The following MYO1B variants were observed in gnomAD, a reference collection of about 807,000 sequenced individuals.
MYO1B encodes the protein unconventional myosin-Ib.
MYO1B carries 72 observed loss-of-function variants against 159.7 expected under a neutral mutation model. The ratio of observed to expected loss-of-function variants is 0.45; its 90% CI spans 0.37 to 0.55. The LOEUF (loss-of-function observed/expected upper bound fraction) is 0.55. Among genes scored for constraint, MYO1B ranks in the 20% least tolerant of loss-of-function variants. The pLI is 0.00. For missense variants in MYO1B, 1,062 were observed against 1,364.8 expected (o/e 0.78, Z 3.50); for synonymous variants, 468 against 473.8 (o/e 0.99, Z 0.16).
intron 23 of MYO1B, chr2:191,401,632 G>A (rs893316674): frequency 4.6e-5 from 7 of 152,226 alleles, no homozygotes; most frequent in African/African-American, 1.2e-4. Context: ...AGAGTCCTGT[G>A]TTTTGAAGTC....
At chr2:191,264,573 A>G (rs1687015422) in intron 1 of MYO1B, among the ~76,000 whole-genome samples, 1 of 152,046 alleles carries the variant, frequency 6.6e-6, no homozygotes. Context: ...CACACAGAAA[A>G]CATGCTCAAA....
chr2:191,293,497 A>G (rs1251481223), intron 2 of MYO1B, among the ~76,000 whole-genome samples: 2 of 152,220 alleles, frequency 1.3e-5, no homozygotes, highest in South Asian at 2.1e-4. Flanking sequence ...GCTACTCCAT[A>G]TGCAGATCCA....
chr2:191,311,080 G>C (rs1689973920), intron 3 of MYO1B, among the ~76,000 whole-genome samples: 1 of 152,148 alleles, frequency 6.6e-6, no homozygotes, highest in Admixed American at 6.5e-5. Flanking sequence ...TAGTATATTA[G>C]TGTTCATTGG....
rs564751571 is a variant in MYO1B at position 191,290,152 on chromosome 2, A to G, written c.136-5959A>G. Among the ~76,000 whole-genome samples, 17 of 152,332 alleles carry G rather than the reference A, an allele frequency of 1.1e-4. No homozygotes were observed. In the East Asian group the frequency reaches 3.3e-3, roughly 29 times the overall value. On this transcript the variant is annotated intron_variant, in intron 2 of 30. Transcript: ENST00000392318. ...TAAAGCAGTCAGGGCCGGCTAAGCCATGGGGCTCTTGGGTCTTACTATAAA... is the reference window on the plus strand; with the variant it reads ...TAAAGCAGTCAGGGCCGGCTAAGCCGTGGGGCTCTTGGGTCTTACTATAAA...
In MYO1B at chr2:191,322,369, CT is replaced by C. The variant is rs1690777922; in HGVS notation, c.252-7564del. 2.0e-5 allele frequency among the ~76,000 whole-genome samples: 3 copies of C among 152,132 alleles called. No individual in the cohort carries two copies. In the South Asian group the frequency reaches 6.2e-4, roughly 31 times the overall value. ...GGGATAATTTAGTCTCTCTAAATCCCTTATCTGCTTCCTAATGTGTGTCTCC... is the reference window on the plus strand; with the variant it reads ...GGGATAATTTAGTCTCTCTAAATCCCTATCTGCTTCCTAATGTGTGTCTCC... On this transcript the variant is annotated intron_variant, in intron 3 of 30. Transcript: ENST00000392318.
At chr2:191,251,072 G>T (rs900552299) in intron 1 of MYO1B, among the ~76,000 whole-genome samples, 1 of 152,186 alleles carries the variant, frequency 6.6e-6, no homozygotes, top group Non-Finnish European at 1.5e-5. Context: ...TTTTCTGGGT[G>T]TTTTGGCTTC....
At chr2:191,251,696 A>G (rs1259607218) in intron 1 of MYO1B, among the ~76,000 whole-genome samples, 4 of 152,262 alleles carry the variant, frequency 2.6e-5, no homozygotes, top group Non-Finnish European at 5.9e-5. Flanking sequence ...AGAATGCAAT[A>G]TCTTTAAAGA....
intron 27 of MYO1B, among the ~76,000 whole-genome samples, chr2:191,412,046 A>G (rs1338006241): frequency 6.6e-6 from 1 of 152,218 alleles, no homozygotes; most frequent in Non-Finnish European, 1.5e-5. Flanking sequence ...TCTTCCTTTT[A>G]AAGGATTAAA....
chr2:191,276,516 A>C (rs998427375), intron 1 of MYO1B, among the ~76,000 whole-genome samples: 1 of 152,208 alleles, frequency 6.6e-6, no homozygotes, highest in African/African-American at 2.4e-5. Flanking sequence ...AGGTTCATAT[A>C]GTCTGACATT....
intron 15 of MYO1B, among the ~76,000 whole-genome samples, 177 bp downstream of exon 15, chr2:191,383,519 C>CATATATATGTGT (rs1695212019): frequency 8.7e-6 from 1 of 114,388 alleles, no homozygotes; most frequent in Non-Finnish European, 1.7e-5. Context: ...TACACGTACA[C>CATATATATGTGT]ACACACACAC....
Position 191,320,845 on chromosome 2 carries a change from TAA to T in MYO1B, c.252-9080_252-9079del, listed in dbSNP as rs35399217. Among the ~76,000 whole-genome samples, 12 of 147,560 alleles carry T rather than the reference TAA, an allele frequency of 8.1e-5. No homozygotes were observed. In the East Asian group the frequency reaches 9.8e-4, roughly 12 times the overall value. On this transcript the variant is annotated intron_variant, in intron 3 of 30. Transcript: ENST00000392318. ...TGCCCATTTTCTCTCCTTTATGCAT[TAA>T]AAAAAAAAATCAGACAGTATGTACT...
chr2:191,342,956 A>C (rs140834008), intron 5 of MYO1B, among the ~76,000 whole-genome samples: 1 of 152,116 alleles, frequency 6.6e-6, no homozygotes, highest in East Asian at 1.9e-4. Context: ...GTCACTTAAC[A>C]TATTTGTTAT....
chr2:191,414,522 A>C lies in MYO1B; in HGVS notation c.3012A>C (p.Thr1004=). Residue 1004 remains threonine, a synonymous_variant, in exon 29 of 31, where the codon ACA becomes ACC. Transcript: ENST00000392318. ...TATTTTTTATTTTGATTTAGAGTACATCTCGGATTTTCCTCTTAACAAACA... is the reference window on the plus strand; with the variant it reads ...TATTTTTTATTTTGATTTAGAGTACCTCTCGGATTTTCCTCTTAACAAACA... The part of the protein sequence containing the change: ...NKINRANGKS[T]SRIFLLTNNN... 6.2e-7 allele frequency: 1 copy of C among 1,607,452 alleles called. No individual in the cohort carries two copies. Among genetic ancestry groups the C allele is most frequent in the Non-Finnish European group, 8.5e-7 (1 of 1,177,730 alleles).
At chr2:191,393,409 G>T (rs974054824) in intron 20 of MYO1B, among the ~76,000 whole-genome samples, 187 bp downstream of exon 20, 2 of 152,034 alleles carry the variant, frequency 1.3e-5, no homozygotes, top group Non-Finnish European at 2.9e-5. Flanking sequence ...TAAGTAATTT[G>T]CCCACAGCCA....
chr2:191,327,322 C>G (rs1354568620), intron 3 of MYO1B, among the ~76,000 whole-genome samples: 1 of 152,144 alleles, frequency 6.6e-6, no homozygotes, highest in Non-Finnish European at 1.5e-5. Flanking sequence ...AGGCTCTGCC[C>G]TAGAGGAGTT....
chr2:191,385,656 C>G (rs560190761), intron 15 of MYO1B, among the ~76,000 whole-genome samples: 1 of 152,200 alleles, frequency 6.6e-6, no homozygotes, highest in African/African-American at 2.4e-5. Flanking sequence ...AGAGAGGAAC[C>G]AAGAAGACAC....
chr2:191,342,894 G>A lies in MYO1B; in HGVS notation c.451+1329G>A, dbSNP rs150928696. On this transcript the variant is annotated intron_variant, in intron 5 of 30. Coordinates refer to ENST00000392318, the MANE Select transcript of MYO1B (RefSeq NM_001130158.3). Reference sequence around the variant, plus strand: ...TGTTTTATATTGTAAGCGACAGAGGGAGACTCTGTCTCAAAAAAAAAAATG... The same window carrying A: ...TGTTTTATATTGTAAGCGACAGAGGAAGACTCTGTCTCAAAAAAAAAAATG... Among the ~76,000 whole-genome samples, 142 of 149,470 alleles carry A rather than the reference G, an allele frequency of 9.5e-4. 1 individual carries two copies. The highest frequency in any genetic ancestry group is 3.5e-3 in the African/African-American group (136 of 39,000).
intron 7 of MYO1B, among the ~76,000 whole-genome samples, chr2:191,354,341 C>CAAAAAAA (rs1693132750): frequency 6.6e-6 from 1 of 151,078 alleles, no homozygotes; most frequent in African/African-American, 2.4e-5. Flanking sequence ...TGAATGATCA[C>CAAAAAAA]AAAAGTAATT....
chr2:191,323,595 A>G (rs1245697224), intron 3 of MYO1B, among the ~76,000 whole-genome samples: 1 of 152,182 alleles, frequency 6.6e-6, no homozygotes, highest in Non-Finnish European at 1.5e-5. Context: ...TAAGTAATCT[A>G]TGAAATTTCA....
Sources: gnomAD v4.1 joint callset for allele counts (sites outside exome capture counted in the v4.1 genomes callset) on GRCh38, gnomAD v4.1.1 for gene constraint, MANE v1.5 for transcripts, NCBI Gene and HGNC (gene_info 2026-07-23, HGNC 2026-07-21) for gene names.